Variants in USP32 observed in about 807,000 individuals in gnomAD.
The protein encoded by USP32 is ubiquitin carboxyl-terminal hydrolase 32.
Under a neutral mutation model 204.8 loss-of-function variants are expected in USP32, and 59 were observed. That is an observed-to-expected ratio of 0.29 (90% CI 0.23 to 0.36). The LOEUF (loss-of-function observed/expected upper bound fraction) is 0.36, where lower values mean the gene tolerates loss of function less well. Among genes scored for constraint, USP32 ranks in the 10% least tolerant of loss-of-function variants. The probability of loss-of-function intolerance (pLI) is 1.00; values close to 1 mark genes in which losing one functional copy is unlikely to be tolerated. For synonymous variants in USP32, 517 were observed against 678.4 expected (o/e 0.76, Z 3.70); for missense variants, 1,160 against 1,946.4 (o/e 0.60, Z 7.60).
At position 60,413,861 on chromosome 17, in the gene USP32, C is replaced by CAAAA. The variant is rs1307789444; in HGVS notation, c.106+8381_106+8384dup. 1.8e-3 allele frequency among the ~76,000 whole-genome samples: 58 copies of CAAAA among 31,608 alleles called. 1 individual carries two copies. Among genetic ancestry groups the CAAAA allele is most frequent in the African/African-American group, 6.7e-3 (57 of 8,478 alleles). 20.7% of individuals were successfully genotyped at this position (31,608 alleles called of 152,430 possible). ...GCCTGGCGACAGCTAGATTCTGTCTCAAAAAAAAAAAAAAGAAAAAAAAAA... is the reference window on the plus strand; with the variant it reads ...GCCTGGCGACAGCTAGATTCTGTCTCAAAAAAAAAAAAAAAAAAGAAAAAAAAAA... On this transcript the variant is annotated intron_variant, in intron 1 of 3. Transcript: ENST00000588898.
intron 14 of USP32, 111 bp downstream of exon 14, chr17:60,223,300 A>T: frequency 2.4e-6 from 2 of 838,910 alleles, no homozygotes; most frequent in South Asian, 1.6e-5. Context: ...CATCTATAAT[A>T]CAGTAATTAA....
chr17:60,302,133 ATT>A (rs1567839821), intron 2 of USP32, among the ~76,000 whole-genome samples: 11 of 151,118 alleles, frequency 7.3e-5, no homozygotes, highest in Non-Finnish European at 1.0e-4. Context: ...TTATTTATTT[ATT>A]TATTTATTTA....
intron 2 of USP32, among the ~76,000 whole-genome samples, chr17:60,322,391 A>C (rs2088133834): frequency 6.6e-6 from 1 of 152,226 alleles, no homozygotes; most frequent in Admixed American, 6.5e-5. Context: ...GCCAAGAAAA[A>C]GCATGGCATA....
At chr17:60,206,271 G>A (rs1376882256) in intron 25 of USP32, among the ~76,000 whole-genome samples, 1 of 145,564 alleles carries the variant, frequency 6.9e-6, no homozygotes, top group Non-Finnish European at 1.5e-5. Context: ...GAGCCAAGAT[G>A]ATGCCACTGC....
chr17:60,354,913 C>T (rs935356761), intron 1 of USP32, among the ~76,000 whole-genome samples: 2 of 151,996 alleles, frequency 1.3e-5, no homozygotes, highest in South Asian at 2.1e-4. Flanking sequence ...GGCATAGTGG[C>T]GGTGCCTGTA....
intron 3 of USP32, among the ~76,000 whole-genome samples, chr17:60,299,335 A>G: frequency 6.6e-6 from 1 of 152,206 alleles, no homozygotes; most frequent in Non-Finnish European, 1.5e-5. Context: ...ATTTCTTACA[A>G]TTCGGGAGGC....
At chr17:60,421,593 C>G in intron 1 of USP32, 1 of 983,242 alleles carries the variant, frequency 1.0e-6, no homozygotes, top group Non-Finnish European at 1.2e-6. Flanking sequence ...GAGGAAACTG[C>G]GGGGGCAACG....
intron 1 of USP32, among the ~76,000 whole-genome samples, chr17:60,418,635 G>A (rs1454939063): frequency 2.0e-5 from 3 of 151,914 alleles, no homozygotes; most frequent in Non-Finnish European, 4.4e-5. Context: ...CTAATATCCA[G>A]CATCTGAAAG....
chr17:60,192,142 T>A (rs2084399546), intron 28 of USP32, among the ~76,000 whole-genome samples: 1 of 151,752 alleles, frequency 6.6e-6, no homozygotes, highest in South Asian at 2.1e-4. Flanking sequence ...AATACAAAAA[T>A]TAGCTGGGTA....
At chr17:60,256,446 C>T (rs1196205427) in intron 9 of USP32, among the ~76,000 whole-genome samples, 2 of 151,896 alleles carry the variant, frequency 1.3e-5, no homozygotes, top group African/African-American at 4.8e-5. Flanking sequence ...TTTTTTCCAC[C>T]CAAATCAGTA....
intron 12 of USP32, among the ~76,000 whole-genome samples, chr17:60,227,550 G>A (rs1476317732): frequency 1.3e-5 from 2 of 151,296 alleles, no homozygotes; most frequent in African/African-American, 4.8e-5. Context: ...AATTACAGGC[G>A]TGAGCCACCA....
Position 60,283,620 on chromosome 17 carries a change from T to C in USP32, c.571+4903A>G, listed in dbSNP as rs541296835. On this transcript the variant is annotated intron_variant, in intron 5 of 33. Transcript: ENST00000300896. Reference sequence around the variant, plus strand: ...AGGTTAGTCAAGTTAGACACTGGAATTAAAAATACTATCAACCAGGATATA... The same window carrying C: ...AGGTTAGTCAAGTTAGACACTGGAACTAAAAATACTATCAACCAGGATATA... 2.0e-5 allele frequency among the ~76,000 whole-genome samples: 3 copies of C among 151,092 alleles called. No individual in the cohort carries two copies. The East Asian group carries it at 5.8e-4, about 29-fold the overall frequency.
At chr17:60,219,881 G>A (rs2085199964) in intron 15 of USP32, 94 bp from the exon 16 acceptor site, 4 of 1,197,990 alleles carry the variant, frequency 3.3e-6, no homozygotes, top group Admixed American at 6.0e-5. Context: ...AAACCAAAAT[G>A]TCCAACAAGT....
upstream of USP32, among the ~76,000 whole-genome samples, chr17:60,393,848 C>T (rs1404439383): frequency 6.6e-6 from 1 of 152,112 alleles, no homozygotes; most frequent in African/African-American, 2.4e-5. Flanking sequence ...CCATGCCTGG[C>T]TAATTTTGTA....
At chr17:60,301,522 TCTAC>T in intron 3 of USP32, 73 bp downstream of exon 3, 2 of 882,634 alleles carry the variant, frequency 2.3e-6, no homozygotes, top group Non-Finnish European at 1.7e-6. Flanking sequence ...ATTCAAATCC[TCTAC>T]CTGTCATCAG....
chr17:60,316,842 T>TAAAA, intron 2 of USP32, among the ~76,000 whole-genome samples: 1 of 151,712 alleles, frequency 6.6e-6, no homozygotes, highest in African/African-American at 2.4e-5. Flanking sequence ...CTTTGACTCA[T>TAAAA]AAAAACAAAC....
intron 1 of USP32, among the ~76,000 whole-genome samples, chr17:60,347,315 C>G (rs1178073992): frequency 2.0e-5 from 3 of 150,788 alleles, no homozygotes; most frequent in African/African-American, 7.3e-5. Flanking sequence ...CTCCCAAGTA[C>G]CTGGGAATAC....
In USP32 at chr17:60,236,252, A is replaced by G. The variant is rs1209246835; in HGVS notation, c.1137-12T>C. 1.2e-6 allele frequency: 2 copies of G among 1,604,666 alleles called. No individual in the cohort carries two copies. The highest frequency in any genetic ancestry group is 1.1e-5 in the South Asian group (1 of 90,188). On this transcript the variant is annotated splice_polypyrimidine_tract_variant and intron_variant, in intron 11 of 33. Coordinates refer to ENST00000300896, the MANE Select transcript of USP32 (RefSeq NM_032582.4). ...GTTCTAACCATCCTCTGTATGTACAAAAGAAATTAAATACATCAAACAAAG... is the reference window on the plus strand; with the variant it reads ...GTTCTAACCATCCTCTGTATGTACAGAAGAAATTAAATACATCAAACAAAG...
Position 60,288,515 on chromosome 17 carries a change from T to C in USP32, c.571+8A>G, listed in dbSNP as rs2087182220. On this transcript the variant is annotated splice_region_variant and intron_variant, in intron 5 of 33. Transcript: ENST00000300896. ...GCAAACAGAAAACAATGAAATGTCATTACTTACAATGTGTGACTCCAGCCA... is the reference window on the plus strand; with the variant it reads ...GCAAACAGAAAACAATGAAATGTCACTACTTACAATGTGTGACTCCAGCCA... 2 of 1,578,242 alleles carry C rather than the reference T, an allele frequency of 1.3e-6. No individual in the cohort carries two copies. Among genetic ancestry groups the C allele is most frequent in the Non-Finnish European group, 1.7e-6 (2 of 1,168,706 alleles).
Sources: allele counts gnomAD v4.1 joint callset (sites outside exome capture counted in the v4.1 genomes callset), GRCh38; gene constraint gnomAD v4.1.1; transcripts MANE v1.5; gene names NCBI Gene and HGNC (gene_info 2026-07-23, HGNC 2026-07-21).